The following EXOC6 variants were observed in gnomAD, a reference collection of about 807,000 sequenced individuals.
EXOC6 encodes the protein exocyst complex component 6, also known as SEC15-like 1.
EXOC6 carries 60 observed loss-of-function variants against 112.5 expected under a neutral mutation model. The observed-to-expected ratio is 0.53, with a 90% CI of 0.43 to 0.66. EXOC6 has a LOEUF of 0.66. Among genes scored for constraint, EXOC6 ranks in the 30% least tolerant of loss-of-function variants. The pLI is 0.00. For missense variants in EXOC6, 855 were observed against 957.1 expected (o/e 0.89, Z 1.41); for synonymous variants, 295 against 308.0 (o/e 0.96, Z 0.44).
intron 2 of EXOC6, among the ~76,000 whole-genome samples, 188 bp from the exon 3 acceptor site, chr10:92,894,606 A>G (rs1358712575): frequency 1.3e-5 from 2 of 152,198 alleles, no homozygotes; most frequent in African/African-American, 2.4e-5. Context: ...AAGAACTGTC[A>G]TAAGTAATTG....
At chr10:92,829,470 G>T (rs1187474964) in intron 1 of EXOC6, among the ~76,000 whole-genome samples, 1 of 152,140 alleles carries the variant, frequency 6.6e-6, no homozygotes, top group African/African-American at 2.4e-5. Flanking sequence ...TCCTTGGCAT[G>T]AGGCAATGAA....
At chr10:92,985,094 C>T (rs1230060475) in intron 18 of EXOC6, among the ~76,000 whole-genome samples, 1 of 152,084 alleles carries the variant, frequency 6.6e-6, no homozygotes, top group Admixed American at 6.6e-5. Flanking sequence ...CCTCCTTTTG[C>T]CCCATCCCCC....
rs1478272626 is a variant in EXOC6, at chr10:92,992,665, T to C, written c.1954-4809T>C. ...ATTTCTTGAATTAAAATACCTGTTT[T>C]TCAACTATACCTCTTTTTTAATATT... On this transcript the variant is annotated intron_variant, in intron 18 of 21. Transcript: ENST00000260762. Among the ~76,000 whole-genome samples, 4 of 152,132 alleles carry C rather than the reference T, an allele frequency of 2.6e-5. No individual in the cohort carries two copies. The South Asian group carries it at 6.2e-4, about 24-fold the overall frequency.
chr10:92,921,102 G>T (rs574699898), intron 8 of EXOC6, among the ~76,000 whole-genome samples: 1 of 152,156 alleles, frequency 6.6e-6, no homozygotes, highest in Non-Finnish European at 1.5e-5. Context: ...TTACTGGTAA[G>T]GTAGGATTTA....
rs1056951245 is a variant in EXOC6 at position 93,048,710 on chromosome 10, C to T, written c.2170-8214C>T. Among the ~76,000 whole-genome samples, 5 of 142,878 alleles carry T rather than the reference C, an allele frequency of 3.5e-5. 1 individual carries two copies. The highest frequency in any genetic ancestry group is 4.4e-4 in the South Asian group (2 of 4,504). The allele number at this position is 142,878 out of a possible 152,430, so 93.7% of individuals were successfully genotyped here. A position where few individuals can be genotyped will look rare whatever the true frequency, so the allele number is the denominator to read the frequency against. ...GGCAGAGGTTGCAGTGAGCCAAGAT[C>T]GTGCCACTGCACTCCAGCCTGGGCA... is the stretch of plus-strand genomic sequence containing the variant. On this transcript the variant is annotated intron_variant, in intron 20 of 21. Transcript: ENST00000260762.
At chr10:92,934,564 T>G in intron 11 of EXOC6, 134 bp downstream of exon 11, 1 of 720,504 alleles carries the variant, frequency 1.4e-6, no homozygotes, top group Non-Finnish European at 2.1e-6. Context: ...TTGGAAGTAG[T>G]AATGTCAGGC....
chr10:93,022,667 T>A (rs1844840226), intron 20 of EXOC6, among the ~76,000 whole-genome samples: 1 of 152,202 alleles, frequency 6.6e-6, no homozygotes, highest in Non-Finnish European at 1.5e-5. Context: ...TTTTTTTGCT[T>A]ATATTTGTTT....
At chr10:93,002,860 A>T (rs1161824174) in intron 19 of EXOC6, among the ~76,000 whole-genome samples, 2 of 152,188 alleles carry the variant, frequency 1.3e-5, no homozygotes, top group African/African-American at 4.8e-5. Flanking sequence ...ACTCATAGTG[A>T]TCACTTTCTC....
chr10:92,886,564 A>G (rs536803449), intron 1 of EXOC6, among the ~76,000 whole-genome samples: 10 of 152,180 alleles, frequency 6.6e-5, no homozygotes, highest in African/African-American at 2.2e-4. Context: ...TTCTGACTGG[A>G]GAGTCTATGT....
At chr10:92,901,723 A>T (rs1252888322) in intron 5 of EXOC6, 2 of 143,272 alleles carry the variant, frequency 1.4e-5, no homozygotes, top group African/African-American at 5.2e-5. Flanking sequence ...ATGGGTTGGG[A>T]GCAGTGGCTC....
intron 2 of EXOC6, among the ~76,000 whole-genome samples, chr10:92,894,012 G>C (rs1041313688): frequency 5.9e-5 from 9 of 152,278 alleles, no homozygotes; most frequent in African/African-American, 2.2e-4. Context: ...TATTAAAAGA[G>C]ACCTAGATTT....
At chr10:92,900,168 C>G (rs1277521535) in intron 5 of EXOC6, 1 of 152,344 alleles carries the variant, frequency 6.6e-6, no homozygotes, top group Non-Finnish European at 1.5e-5. Flanking sequence ...ATGGCTCATG[C>G]TTGTAATCCC....
chr10:92,867,167 G>A (rs1415479872), intron 1 of EXOC6, among the ~76,000 whole-genome samples: 2 of 152,078 alleles, frequency 1.3e-5, no homozygotes, highest in Non-Finnish European at 2.9e-5. Flanking sequence ...CCTGTTCTTG[G>A]TGGACATGAA....
At chr10:93,052,175 T>C (rs1846325658) in intron 20 of EXOC6, among the ~76,000 whole-genome samples, 2 of 152,200 alleles carry the variant, frequency 1.3e-5, no homozygotes, top group Non-Finnish European at 2.9e-5. Flanking sequence ...GCACTGTGGG[T>C]TCACTTTTAA....
intron 1 of EXOC6, among the ~76,000 whole-genome samples, chr10:92,892,567 A>G (rs1307518426): frequency 1.3e-5 from 2 of 152,232 alleles, no homozygotes; most frequent in Non-Finnish European, 2.9e-5. Context: ...CACTGTTAGC[A>G]TCTGCTATTT....
At chr10:92,860,265 C>CTTTTTTT (rs35900396) in intron 1 of EXOC6, among the ~76,000 whole-genome samples, 9 of 88,020 alleles carry the variant, frequency 1.0e-4, no homozygotes, top group East Asian at 7.3e-4. Context: ...ATCTCCACAA[C>CTTTTTTT]TTTTTTTTTT....
intron 20 of EXOC6, 98 bp from the exon 21 acceptor site, chr10:93,056,818 TCTAAGAAG>T: frequency 1.5e-6 from 1 of 656,990 alleles, no homozygotes; most frequent in Non-Finnish European, 2.7e-6. Flanking sequence ...TTCTGTTCCA[TCTAAGAAG>T]CAAGCCATAT....
At chr10:92,863,620 A>G in intron 1 of EXOC6, among the ~76,000 whole-genome samples, 1 of 152,096 alleles carries the variant, frequency 6.6e-6, no homozygotes, top group Non-Finnish European at 1.5e-5. Context: ...TCTACAAAAA[A>G]TTTTAAGAAA....
intron 1 of EXOC6, among the ~76,000 whole-genome samples, chr10:92,878,698 G>C (rs1240721012): frequency 1.3e-5 from 2 of 152,126 alleles, no homozygotes; most frequent in African/African-American, 4.8e-5. Flanking sequence ...ACTGTCACCT[G>C]ACATTTCTGG....
Sources: allele counts gnomAD v4.1 joint callset (sites outside exome capture counted in the v4.1 genomes callset), GRCh38; gene constraint gnomAD v4.1.1; transcripts MANE v1.5; gene names NCBI Gene and HGNC (gene_info 2026-07-23, HGNC 2026-07-21).